The following TNFRSF8 variants were observed in gnomAD, a reference collection of about 807,000 sequenced individuals.
TNFRSF8 encodes TNF receptor superfamily member 8.
A neutral mutation model predicts 70.8 loss-of-function variants in TNFRSF8; 26 were observed. The ratio of observed to expected loss-of-function variants is 0.37; its 90% confidence interval spans 0.27 to 0.51. TNFRSF8 has a LOEUF of 0.51. TNFRSF8 is among the 20% of genes least tolerant of loss of function. The pLI is 0.94. For missense variants in TNFRSF8, 720 were observed against 807.9 expected (o/e 0.89, Z 1.32); for synonymous variants, 356 against 339.2 (o/e 1.05, Z -0.54).
At chr1:12,139,847 GCTGGT>G (rs146315334) in intron 14 of TNFRSF8, among the ~76,000 whole-genome samples, 4 of 152,346 alleles carry the variant, frequency 2.6e-5, no homozygotes, top group Non-Finnish European at 5.9e-5. Context: ...TGTTGGCCAG[GCTGGT>G]CTGGAACTCC....
In TNFRSF8 at chr1:12,112,056, G is replaced by A; in HGVS notation, c.793+42G>A. ...TCCCCGGGCCTCAGTTTACCTCTCT[G>A]CATTTTTGAACCGTGAACTTCCAGT... On this transcript the variant is annotated intron_variant, in intron 7 of 14. Transcript: ENST00000263932. The surrounding 1 kb of genome is among the most constrained non-coding windows in gnomAD (Gnocchi z 5.3). The A allele has an allele frequency of 6.7e-7, 1 of 1,495,792 alleles. No individual in the cohort carries two copies. Among genetic ancestry groups the A allele is most frequent in the Non-Finnish European group, 9.3e-7 (1 of 1,079,960 alleles). 92.7% of individuals were successfully genotyped at this position (1,495,792 alleles called of 1,614,324 possible). A position where few individuals can be genotyped will look rare whatever the true frequency, so the allele number is the denominator to read the frequency against.
intron 9 of TNFRSF8, 82 bp from the exon 10 acceptor site, chr1:12,123,633 C>A: frequency 7.9e-7 from 1 of 1,258,174 alleles, no homozygotes; most frequent in Non-Finnish European, 1.1e-6. Flanking sequence ...GTTGCGCAGT[C>A]TCCAGAGAAA....
At chr1:12,092,603 G>A (rs892627448) in intron 2 of TNFRSF8, among the ~76,000 whole-genome samples, 2 of 151,094 alleles carry the variant, frequency 1.3e-5, no homozygotes, top group African/African-American at 4.9e-5. Flanking sequence ...CGCCTCCCGG[G>A]TTCACGCCAT....
chr1:12,123,205 C>A, intron 8 of TNFRSF8, 79 bp from the exon 9 acceptor site: 1 of 1,267,684 alleles, frequency 7.9e-7, no homozygotes, highest in South Asian at 1.4e-5. Context: ...TGGAAGCCAC[C>A]AGTCCCTGCT....
rs1361293240 is a variant in TNFRSF8 at position 12,138,479 on chromosome 1, A to C, written c.1543+43A>C. 1 of 1,559,232 alleles carries C rather than the reference A, an allele frequency of 6.4e-7. No homozygotes were observed. Among genetic ancestry groups the C allele is most frequent in the Admixed American group, 1.8e-5 (1 of 55,002 alleles). ...GGGAGGTCCCCTGCAGCCCAGGGGC[A>C]GATGGGAGATGAATACGGGGCCCTG... On this transcript the variant is annotated intron_variant, in intron 14 of 14. Coordinates refer to ENST00000263932, the MANE Select transcript of TNFRSF8 (RefSeq NM_001243.5). The surrounding 1 kb of genome is among the most constrained non-coding windows in gnomAD (Gnocchi z 5.7).
intron 12 of TNFRSF8, among the ~76,000 whole-genome samples, chr1:12,135,056 C>G (rs1269276732): frequency 6.6e-6 from 1 of 151,976 alleles, no homozygotes. Flanking sequence ...TGGCTCACGC[C>G]TGTAATCCCA....
intron 12 of TNFRSF8, among the ~76,000 whole-genome samples, chr1:12,128,117 C>T (rs1270939019): frequency 1.3e-5 from 2 of 152,140 alleles, no homozygotes; most frequent in African/African-American, 2.4e-5. Context: ...GGAAGGAGCA[C>T]TGGTTTATTG....
chr1:12,109,718 A>G lies in TNFRSF8; in HGVS notation c.512+62A>G. 1 of 1,388,002 alleles carries G rather than the reference A, an allele frequency of 7.2e-7. No individual in the cohort carries two copies. The highest frequency in any genetic ancestry group is 1.2e-5 in the South Asian group (1 of 84,364). 86.0% of individuals were successfully genotyped at this position (1,388,002 alleles called of 1,614,324 possible). A position where few individuals can be genotyped will look rare whatever the true frequency, so the allele number is the denominator to read the frequency against. On this transcript the variant is annotated intron_variant, in intron 5 of 14. Transcript: ENST00000263932. This position sits in a 1 kb window ranked among gnomAD's most constrained non-coding sequence, Gnocchi z 4.4. ...GCTGGCTTTCAGATGAGGCTGCCCC[A>G]CCCCACAGGACGCCCATGGTACAAC...
chr1:12,115,771 C>G (rs757850568), intron 8 of TNFRSF8, 42 bp downstream of exon 8: 1 of 1,603,088 alleles, frequency 6.2e-7, no homozygotes, highest in Non-Finnish European at 8.5e-7. Context: ...AGGGTGGAGT[C>G]TGTGCCCCCA....
intron 2 of TNFRSF8, among the ~76,000 whole-genome samples, chr1:12,085,889 C>T (rs1362907298): frequency 1.8e-4 from 28 of 152,212 alleles, no homozygotes; most frequent in Non-Finnish European, 3.8e-4. Context: ...ACGATGCCCT[C>T]GTGGTCTCTG....
intron 8 of TNFRSF8, among the ~76,000 whole-genome samples, chr1:12,117,184 G>A (rs553462187): frequency 6.6e-6 from 1 of 152,160 alleles, no homozygotes; most frequent in Admixed American, 6.5e-5. Flanking sequence ...CCGGGTTCAG[G>A]CAATTCTCCT....
chr1:12,104,989 C>T (rs985840756), intron 4 of TNFRSF8, among the ~76,000 whole-genome samples: 7 of 152,162 alleles, frequency 4.6e-5, no homozygotes, highest in African/African-American at 1.7e-4. Context: ...ATCGTGTGAC[C>T]TCAGACAAGT....
chr1:12,124,318 T>C (rs8179353), intron 10 of TNFRSF8, among the ~76,000 whole-genome samples: 76,606 of 151,982 alleles, frequency 0.5, 20,260 homozygotes, highest in East Asian at 0.71. Context: ...TGCTAGTGAC[T>C]ATTCTTTAAT....
At chr1:12,089,421 T>C (rs1641209111) in intron 2 of TNFRSF8, among the ~76,000 whole-genome samples, 1 of 152,202 alleles carries the variant, frequency 6.6e-6, no homozygotes. Context: ...GGCACCTCCC[T>C]CTGCTGAAGT....
intron 1 of TNFRSF8, among the ~76,000 whole-genome samples, chr1:12,075,251 AT>A (rs529160161): frequency 8.1e-4 from 116 of 143,800 alleles, no homozygotes; most frequent in African/African-American, 1.2e-3. Context: ...CAAAAAAAAA[AT>A]TTTTTTTTTT....
intron 1 of TNFRSF8, among the ~76,000 whole-genome samples, chr1:12,069,169 C>A (rs1229030471): frequency 2.4e-5 from 3 of 124,478 alleles, no homozygotes; most frequent in Non-Finnish European, 4.9e-5. Context: ...CTGCACCCGG[C>A]CTTTTTTTTT....
At chr1:12,084,675 T>C (rs1280199212) in intron 2 of TNFRSF8, 124 bp downstream of exon 2, 2 of 900,376 alleles carry the variant, frequency 2.2e-6, no homozygotes, top group African/African-American at 3.3e-5. Flanking sequence ...GCTACAGTTT[T>C]CTGCAGGTCA....
intron 2 of TNFRSF8, among the ~76,000 whole-genome samples, chr1:12,085,559 C>T (rs747461934): frequency 5.9e-5 from 9 of 152,158 alleles, no homozygotes; most frequent in Non-Finnish European, 1.3e-4. Context: ...GCCTCTTTGC[C>T]GTTCTTGACT....
At chr1:12,132,849 A>G (rs1227962357) in intron 12 of TNFRSF8, among the ~76,000 whole-genome samples, 1 of 146,570 alleles carries the variant, frequency 6.8e-6, no homozygotes, top group Non-Finnish European at 1.5e-5. Context: ...AAAAAAAAAA[A>G]AAAAAAAAAA....
Sources: gnomAD v4.1 joint callset for allele counts (sites outside exome capture counted in the v4.1 genomes callset) on GRCh38, gnomAD v4.1.1 for gene constraint, Gnocchi (gnomAD v3.1) non-coding constraint, MANE v1.5 for transcripts, NCBI Gene and HGNC (gene_info 2026-07-23, HGNC 2026-07-21) for gene names.